NACC2: variants seen among roughly 807,000 people sequenced by gnomAD.
NACC2 encodes the protein nucleus accumbens-associated protein 2.
Under a neutral mutation model 25.1 loss-of-function variants are expected in NACC2, and 8 were observed. The ratio of observed to expected loss-of-function variants is 0.32; its 90% confidence interval spans 0.19 to 0.57. The LOEUF (loss-of-function observed/expected upper bound fraction) is 0.57, where lower values mean the gene tolerates loss of function less well. Ranked by LOEUF, NACC2 falls within the 20% of genes least tolerant of loss-of-function variation. The pLI is 0.89. For synonymous variants in NACC2, 435 were observed against 294.7 expected (o/e 1.48, Z -4.88); for missense variants, 644 against 650.2 (o/e 0.99, Z 0.10).
At chr9:136,088,170 G>C (rs943530356) in intron 1 of NACC2, among the ~76,000 whole-genome samples, 4 of 152,194 alleles carry the variant, frequency 2.6e-5, no homozygotes, top group Non-Finnish European at 5.9e-5. Context: ...GCTGTGCAGG[G>C]TCAGCGGAAT....
intron 2 of NACC2, among the ~76,000 whole-genome samples, chr9:136,038,362 CCT>C (rs1229636597): frequency 2.6e-5 from 4 of 152,080 alleles, no homozygotes; most frequent in African/African-American, 9.7e-5. Flanking sequence ...GTGCTGAAAT[CCT>C]GTCTCTACAA....
rs1830478444 is a variant in NACC2 at position 136,095,226 on chromosome 9, G to A, written c.-97C>T. 6.8e-6 allele frequency: 1 copy of A among 147,364 alleles called. No homozygotes were observed. The highest frequency in any genetic ancestry group is 2.4e-5 in the African/African-American group (1 of 40,910). The allele number at this position is 147,364 out of a possible 1,614,324, so 9.1% of individuals were successfully genotyped here. ...GGCCCGGTCCGGCCTGGGCAGCTGC[G>A]GCGCGCCGCCCGCGGCAGGAAGTGC... is the stretch of plus-strand genomic sequence containing the variant. On this transcript the variant is annotated 5_prime_UTR_variant, in exon 1 of 6. Transcript: ENST00000277554.
chr9:136,034,359 A>C (rs1840520930), intron 2 of NACC2, among the ~76,000 whole-genome samples: 1 of 152,178 alleles, frequency 6.6e-6, no homozygotes, highest in Non-Finnish European at 1.5e-5. Context: ...GACTATTAGG[A>C]AAGAAAAATA....
At chr9:136,046,275 C>T (rs1298448447) in intron 2 of NACC2, among the ~76,000 whole-genome samples, 6 of 152,328 alleles carry the variant, frequency 3.9e-5, no homozygotes, top group East Asian at 3.9e-4. Context: ...CAGGCAGGGA[C>T]GCCTGCGCCT....
rs932234092 is a variant in NACC2 at position 136,055,173 on chromosome 9, T to C, written c.-59-4593A>G. Reference sequence around the variant, plus strand: ...ATGATGAGCCCCATACCCAGCAACCTGCCGATGGGTGAGAGGAGCCCGCGG... The same window carrying C: ...ATGATGAGCCCCATACCCAGCAACCCGCCGATGGGTGAGAGGAGCCCGCGG... On this transcript the variant is annotated intron_variant, in intron 1 of 5. Transcript: ENST00000277554. This position sits in a 1 kb window ranked among gnomAD's most constrained non-coding sequence, Gnocchi z 4.9. 1.3e-5 allele frequency among the ~76,000 whole-genome samples: 2 copies of C among 152,118 alleles called. No individual in the cohort carries two copies. Among genetic ancestry groups the C allele is most frequent in the Non-Finnish European group, 2.9e-5 (2 of 68,008 alleles).
At chr9:136,041,055 G>GAAGGAAAGGAAGGAAGGAAGGA (rs1840621228) in intron 2 of NACC2, among the ~76,000 whole-genome samples, 1 of 149,344 alleles carries the variant, frequency 6.7e-6, no homozygotes, top group Non-Finnish European at 1.5e-5. Context: ...AGGAAGGAAG[G>GAAGGAAAGGAAGGAAGGAAGGA]AAGGAAAGGA....
At chr9:136,072,467 C>T (rs1454658680) in intron 1 of NACC2, among the ~76,000 whole-genome samples, 1 of 152,044 alleles carries the variant, frequency 6.6e-6, no homozygotes, top group African/African-American at 2.4e-5. Flanking sequence ...ATTGCTTGAA[C>T]CCAGAAGGCA....
At chr9:136,040,298 T>C (rs1283954191) in intron 2 of NACC2, among the ~76,000 whole-genome samples, 23 of 150,112 alleles carry the variant, frequency 1.5e-4, no homozygotes, top group Non-Finnish European at 3.2e-4. Context: ...TGAGCCAAGA[T>C]CACACCACTG....
chr9:136,093,928 A>G (rs552992277), intron 1 of NACC2, among the ~76,000 whole-genome samples: 73 of 152,308 alleles, frequency 4.8e-4, no homozygotes, highest in Middle Eastern at 6.8e-3. Context: ...GTCCCACTGG[A>G]GAACAGGAGG....
chr9:136,044,493 G>A (rs1248831907), intron 2 of NACC2, among the ~76,000 whole-genome samples: 1 of 152,108 alleles, frequency 6.6e-6, no homozygotes, highest in African/African-American at 2.4e-5. Flanking sequence ...GCACTCCCCG[G>A]TCTGGCCATC....
chr9:136,088,168 G>A (rs1263706617), intron 1 of NACC2, among the ~76,000 whole-genome samples: 2 of 152,216 alleles, frequency 1.3e-5, no homozygotes, highest in African/African-American at 4.8e-5. Flanking sequence ...TGGCTGTGCA[G>A]GGTCAGCGGA....
chr9:136,041,211 C>G (rs1426845104), intron 2 of NACC2, among the ~76,000 whole-genome samples: 2 of 152,152 alleles, frequency 1.3e-5, no homozygotes, highest in African/African-American at 4.8e-5. Context: ...CACTTGAGGT[C>G]AGGAGTTCGA....
At chr9:136,041,001 A>AGGAAGGAAG (rs1554738651) in intron 2 of NACC2, among the ~76,000 whole-genome samples, 10 of 139,194 alleles carry the variant, frequency 7.2e-5, no homozygotes, top group Admixed American at 1.5e-4. Context: ...AAGGAAGGAA[A>AGGAAGGAAG]GAAAGGAAGG....
At chr9:136,092,350 C>T (rs144626715) in intron 1 of NACC2, among the ~76,000 whole-genome samples, 1,820 of 152,294 alleles carry the variant, frequency 0.012, 18 homozygotes, top group Middle Eastern at 0.037. Context: ...GTTCCCAAGA[C>T]CCCTCATCAG....
chr9:136,065,443 G>A (rs1407275856), intron 1 of NACC2, among the ~76,000 whole-genome samples: 3 of 152,026 alleles, frequency 2.0e-5, no homozygotes, highest in Admixed American at 6.5e-5. Context: ...AACATGGTAA[G>A]ATCCCGTCTC....
chr9:136,076,843 C>G (rs1222547910), intron 1 of NACC2, among the ~76,000 whole-genome samples: 1 of 152,030 alleles, frequency 6.6e-6, no homozygotes, highest in South Asian at 2.1e-4. Context: ...CCCTTCTCTA[C>G]TAAAAATACA....
chr9:136,045,781 TG>T (rs1341063886), intron 2 of NACC2, among the ~76,000 whole-genome samples: 2 of 152,124 alleles, frequency 1.3e-5, no homozygotes, highest in African/African-American at 4.8e-5. Flanking sequence ...TCATCTGCCC[TG>T]GGGTAAAAGC....
At chr9:136,071,542 CAAAAAAAAAA>C (rs34087690) in intron 1 of NACC2, among the ~76,000 whole-genome samples, 1 of 83,284 alleles carries the variant, frequency 1.2e-5, no homozygotes. Flanking sequence ...GACTCCATCT[CAAAAAAAAAA>C]AAAAAAAAAA....
At chr9:136,037,009 G>A (rs1840563766) in intron 2 of NACC2, among the ~76,000 whole-genome samples, 1 of 152,116 alleles carries the variant, frequency 6.6e-6, no homozygotes, top group African/African-American at 2.4e-5. Context: ...AAACACAGAA[G>A]AACATAGATA....
Sources: gnomAD v4.1 joint callset for allele counts (sites outside exome capture counted in the v4.1 genomes callset) on GRCh38, gnomAD v4.1.1 for gene constraint, Gnocchi (gnomAD v3.1) non-coding constraint, MANE v1.5 for transcripts, NCBI Gene and HGNC (gene_info 2026-07-23, HGNC 2026-07-21) for gene names.